The following SESTD1 variants were observed in gnomAD, a reference collection of about 807,000 sequenced individuals.
SESTD1 encodes SEC14 and spectrin domain containing 1, also known as SEC14 domain and spectrin repeat-containing protein 1.
SESTD1 carries 43 observed loss-of-function variants against 101.7 expected under a neutral mutation model. The ratio of observed to expected loss-of-function variants is 0.42; its 90% CI spans 0.33 to 0.55. SESTD1 has a LOEUF of 0.55. SESTD1 is among the 20% of genes least tolerant of loss of function. The pLI is 0.07. For missense variants in SESTD1, 647 were observed against 815.1 expected, an observed-to-expected ratio of 0.79 and a Z score of 2.51; for synonymous variants, 283 against 286.8, an observed-to-expected ratio of 0.99 and a Z score of 0.13.
intron 4 of SESTD1, among the ~76,000 whole-genome samples, chr2:179,174,744 T>C (rs2045981812): frequency 6.6e-6 from 1 of 152,118 alleles, no homozygotes; most frequent in Non-Finnish European, 1.5e-5. Flanking sequence ...AAGGATCACC[T>C]GAGCTCAGGA....
rs1006762534 is a variant in SESTD1 at position 179,102,587 on chromosome 2, A to G, written c.*7312T>C. 2.6e-5 allele frequency: 4 copies of G among 152,294 alleles called. No homozygotes were observed. Among genetic ancestry groups the G allele is most frequent in the Admixed American group, 1.3e-4 (2 of 15,270 alleles). The allele number at this position is 152,294 out of a possible 1,614,324, so 9.4% of individuals were successfully genotyped here. A position where few individuals can be genotyped will look rare whatever the true frequency, so the allele number is the denominator to read the frequency against. ...ATTATAAGGATTTACAGTAGAAGCC[A>G]AATTTCCCAGCCCTTAAAATTTTAA... On this transcript the variant is annotated 3_prime_UTR_variant, in exon 18 of 18. Transcript: ENST00000428443.
chr2:179,137,646 A>T (rs984895819), intron 9 of SESTD1, among the ~76,000 whole-genome samples: 3 of 152,240 alleles, frequency 2.0e-5, no homozygotes, highest in Non-Finnish European at 4.4e-5. Flanking sequence ...CAGCAGCAGT[A>T]TGGAGAATCT....
intron 17 of SESTD1, among the ~76,000 whole-genome samples, chr2:179,111,718 TC>T (rs1220273153): frequency 5.0e-4 from 75 of 150,800 alleles, no homozygotes; most frequent in Non-Finnish European, 9.2e-4. Flanking sequence ...TCCTCCTGAT[TC>T]TTTTTTTTTT....
chr2:179,263,485 G>T (rs1256499205), intron 1 of SESTD1, among the ~76,000 whole-genome samples: 1 of 152,182 alleles, frequency 6.6e-6, no homozygotes, highest in Admixed American at 6.5e-5. Context: ...TTAGGATTTT[G>T]AGTGGCAATT....
chr2:179,212,971 A>G (rs1365969299), intron 1 of SESTD1, among the ~76,000 whole-genome samples: 1 of 135,088 alleles, frequency 7.4e-6, no homozygotes, highest in Non-Finnish European at 1.6e-5. Context: ...AAGGACATCT[A>G]CACCAAAACT....
At chr2:179,120,775 T>C (rs1044106898) in intron 13 of SESTD1, among the ~76,000 whole-genome samples, 3 of 152,214 alleles carry the variant, frequency 2.0e-5, no homozygotes, top group Non-Finnish European at 4.4e-5. Context: ...GGGGAAGTAG[T>C]ATGAATGTAC....
At chr2:179,224,502 A>G (rs1176867854) in intron 1 of SESTD1, among the ~76,000 whole-genome samples, 1 of 152,162 alleles carries the variant, frequency 6.6e-6, no homozygotes, top group Non-Finnish European at 1.5e-5. Flanking sequence ...TGCAATCTCT[A>G]AAGTGCTAAG....
At chr2:179,126,092 C>T (rs2044867220) in intron 10 of SESTD1, among the ~76,000 whole-genome samples, 1 of 152,274 alleles carries the variant, frequency 6.6e-6, no homozygotes, top group Middle Eastern at 3.4e-3. Context: ...CAATAAAATA[C>T]ACATTTAAGA....
intron 17 of SESTD1, among the ~76,000 whole-genome samples, chr2:179,111,050 TAGA>T (rs1405401736): frequency 6.6e-6 from 1 of 152,004 alleles, no homozygotes; most frequent in Non-Finnish European, 1.5e-5. Context: ...CTGACATGGG[TAGA>T]ACAGGAGACT....
intron 1 of SESTD1, among the ~76,000 whole-genome samples, chr2:179,261,245 C>A (rs2105563785): frequency 6.6e-6 from 1 of 152,296 alleles, no homozygotes; most frequent in East Asian, 1.9e-4. Flanking sequence ...GTTGCCACAA[C>A]ACCTTATGGT....
chr2:179,233,689 A>G (rs2047018033), intron 1 of SESTD1, among the ~76,000 whole-genome samples: 1 of 152,146 alleles, frequency 6.6e-6, no homozygotes, highest in Admixed American at 6.5e-5. Flanking sequence ...CTTGACCTCA[A>G]CTACTCCACC....
intron 13 of SESTD1, among the ~76,000 whole-genome samples, chr2:179,118,964 A>G (rs1465086952): frequency 6.6e-6 from 1 of 152,228 alleles, no homozygotes; most frequent in East Asian, 1.9e-4. Flanking sequence ...GAAAACAAGG[A>G]AACAAGTATT....
intron 10 of SESTD1, among the ~76,000 whole-genome samples, chr2:179,126,347 G>C (rs1285383182): frequency 6.6e-6 from 1 of 152,060 alleles, no homozygotes; most frequent in East Asian, 1.9e-4. Flanking sequence ...AGCTGCATTT[G>C]GCACAAGTAA....
chr2:179,143,705 G>A lies in SESTD1; in HGVS notation c.736C>T (p.Gln246Ter). Residue 246 changes from glutamine to a stop codon, truncating the protein, a stop_gained, in exon 9 of 18, where the codon CAG becomes TAG. Transcript: ENST00000428443. LOFTEE classifies it high-confidence loss of function. ...PMDDELLAQP[Q>*]VMKLLDSLRE... ...AGTGAATCTAATAATTTCATAACCT[G>A]TGGCTGTGCAAGAAGTTCATCATCC... 1 of 1,614,010 alleles carries A rather than the reference G, an allele frequency of 6.2e-7. No homozygotes were observed. Among genetic ancestry groups the A allele is most frequent in the East Asian group, 2.2e-5 (1 of 44,874 alleles).
chr2:179,247,145 T>C (rs181072326), intron 1 of SESTD1, among the ~76,000 whole-genome samples: 259 of 152,218 alleles, frequency 1.7e-3, no homozygotes, highest in South Asian at 0.016. Context: ...ATTTTTCTAA[T>C]TGACAAATAA....
chr2:179,251,695 TGATTA>T (rs1168957496), intron 1 of SESTD1, among the ~76,000 whole-genome samples: 1 of 152,228 alleles, frequency 6.6e-6, no homozygotes, highest in Non-Finnish European at 1.5e-5. Flanking sequence ...CTTTGGTAGG[TGATTA>T]GTTCATCAGG....
At chr2:179,204,919 T>C (rs1369321058) in intron 1 of SESTD1, among the ~76,000 whole-genome samples, 1 of 135,108 alleles carries the variant, frequency 7.4e-6, no homozygotes, top group Non-Finnish European at 1.6e-5. Context: ...GAAATGCAGA[T>C]ACAGAGACAA....
intron 1 of SESTD1, among the ~76,000 whole-genome samples, chr2:179,196,654 AC>A (rs2046400844): frequency 6.6e-6 from 1 of 152,038 alleles, no homozygotes; most frequent in Admixed American, 6.6e-5. Flanking sequence ...CTGACCCCTG[AC>A]CCCCGAGCAG....
At chr2:179,177,568 A>T (rs1392344186) in intron 3 of SESTD1, among the ~76,000 whole-genome samples, 1 of 152,196 alleles carries the variant, frequency 6.6e-6, no homozygotes, top group Non-Finnish European at 1.5e-5. Flanking sequence ...GCTCTTGGAG[A>T]AGTCATGCCC....
Sources: allele counts gnomAD v4.1 joint callset (sites outside exome capture counted in the v4.1 genomes callset), GRCh38; gene constraint gnomAD v4.1.1; transcripts MANE v1.5; gene names NCBI Gene and HGNC (gene_info 2026-07-23, HGNC 2026-07-21).